The following MYBPHL variants were observed in gnomAD, a reference collection of about 807,000 sequenced individuals.
MYBPHL encodes myosin binding protein H like.
MYBPHL carries 32 observed loss-of-function variants against 39.5 expected under a neutral mutation model. That is an observed-to-expected ratio of 0.81 (90% CI 0.61 to 1.09). The LOEUF (loss-of-function observed/expected upper bound fraction) is 1.09. Ranked by LOEUF, MYBPHL falls within the 50% of genes least tolerant of loss-of-function variation. The pLI is 0.00. For missense variants in MYBPHL, 456 were observed against 460.2 expected (o/e 0.99, Z 0.08); for synonymous variants, 196 against 183.7 (o/e 1.07, Z -0.54).
At chr1:109,294,405 G>A (rs548127617) in intron 7 of MYBPHL, among the ~76,000 whole-genome samples, 156 bp from the exon 8 acceptor site, 87 of 152,304 alleles carry the variant, frequency 5.7e-4, no homozygotes, top group African/African-American at 1.8e-3. Context: ...GGACATGTAA[G>A]GGCTCATTCA....
rs1384979132 is a variant in MYBPHL, at chr1:109,292,529, G to C, written c.*93C>G. On this transcript the variant is annotated 3_prime_UTR_variant, in exon 9 of 9. Transcript: ENST00000357155. ...GCCAGAGGACACCAGGCTGCTGAGG[G>C]CACCGTTGTCACGGTCCCTGGCTCC... The C allele has an allele frequency of 6.6e-6, 1 of 152,224 alleles. No individual in the cohort carries two copies. Among genetic ancestry groups the C allele is most frequent in the Non-Finnish European group, 1.5e-5 (1 of 68,056 alleles). The allele number at this position is 152,224 out of a possible 1,614,324, so 9.4% of individuals were successfully genotyped here.
Position 109,294,237 on chromosome 1 carries a change from C to A in MYBPHL, c.*2G>T, listed in dbSNP as rs1657974389. 6.2e-7 allele frequency: 1 copy of A among 1,609,084 alleles called. No individual in the cohort carries two copies. Among genetic ancestry groups the A allele is most frequent in the Non-Finnish European group, 8.5e-7 (1 of 1,175,340 alleles). On this transcript the variant is annotated 3_prime_UTR_variant, in exon 8 of 9. Transcript: ENST00000357155. ...CAGAGTACCATGCCTTCTTAGGTGT[C>A]CTCAATTAGGAACTGTAATAATTCG... is the stretch of plus-strand genomic sequence containing the variant.
chr1:109,299,224 A>G (rs981968333), intron 1 of MYBPHL, among the ~76,000 whole-genome samples: 27 of 152,170 alleles, frequency 1.8e-4, no homozygotes, highest in African/African-American at 6.5e-4. Flanking sequence ...TCTTCAGTAG[A>G]ATGTGATAGT....
Position 109,295,126 on chromosome 1 carries a change from G to C in MYBPHL, c.1039C>G (p.Arg347Gly). 6.2e-7 allele frequency: 1 copy of C among 1,613,302 alleles called. No homozygotes were observed. Among genetic ancestry groups the C allele is most frequent in the Non-Finnish European group, 8.5e-7 (1 of 1,179,914 alleles). ...TTGCCCTTACCTTTCACATCCACCCGACAGTCCACAGATGCCTCCCCTAGG... is the reference window on the plus strand; with the variant it reads ...TTGCCCTTACCTTTCACATCCACCCCACAGTCCACAGATGCCTCCCCTAGG... ...NPLGEASVDC[R>G]VDVKVPN The change falls in exon 7 of 9, where the codon CGG becomes GGG. Residue 347 changes from arginine (R) to glycine (G), a missense_variant. By Grantham distance (125) the Arg-to-Gly change is moderately radical (BLOSUM62 -2). Transcript: ENST00000357155.
chr1:109,301,656 G>A (rs1194821958), intron 1 of MYBPHL, among the ~76,000 whole-genome samples: 1 of 151,720 alleles, frequency 6.6e-6, no homozygotes. Flanking sequence ...CAGGAAAATC[G>A]CTTGAACCTG....
chr1:109,296,720 T>TG, intron 5 of MYBPHL, 63 bp downstream of exon 5: 2 of 1,594,318 alleles, frequency 1.3e-6, no homozygotes, highest in South Asian at 1.1e-5. Flanking sequence ...ATTAGAGGCG[T>TG]GAGCCACTGT....
In MYBPHL at chr1:109,297,195, A is replaced by G; in HGVS notation, c.431-6T>C. 1.2e-6 allele frequency: 2 copies of G among 1,614,186 alleles called. No individual in the cohort carries two copies. The highest frequency in any genetic ancestry group is 1.7e-6 in the Non-Finnish European group (2 of 1,180,018). The stretch of plus-strand genomic sequence containing the variant: ...CTGAGGAGGGCCTGGCCTCTCTGAA[A>G]GGGCAAAGCCATGGCAGTGGGCGTG... On this transcript the variant is annotated splice_region_variant and splice_polypyrimidine_tract_variant and intron_variant, in intron 3 of 8. Transcript: ENST00000357155.
At position 109,296,219 on chromosome 1, in the gene MYBPHL, A is replaced by G; in HGVS notation, c.867+15T>C. Reference sequence around the variant, plus strand: ...GAAGCAGCTCAGCACAGTGCCCCCCAGAGCCCCCACTCACCCGGGGAGAGG... The same window carrying G: ...GAAGCAGCTCAGCACAGTGCCCCCCGGAGCCCCCACTCACCCGGGGAGAGG... On this transcript the variant is annotated intron_variant, in intron 6 of 8. Coordinates refer to ENST00000357155, the MANE Select transcript of MYBPHL (RefSeq NM_001010985.3). The G allele has an allele frequency of 6.2e-7, 1 of 1,612,208 alleles. No homozygotes were observed. Among genetic ancestry groups the G allele is most frequent in the South Asian group, 1.1e-5 (1 of 91,016 alleles).
At position 109,298,267 on chromosome 1, in the gene MYBPHL, GGAAA is replaced by G; in HGVS notation, c.146-14_146-11del. The stretch of plus-strand genomic sequence containing the variant: ...CAGATCTTGGGGTGCTCTGAGTGAT[GGAAA>G]GAGAGAGAATAGGAGATGGATACTC... On this transcript the variant is annotated splice_polypyrimidine_tract_variant and intron_variant, in intron 1 of 8. Coordinates refer to ENST00000357155, the MANE Select transcript of MYBPHL (RefSeq NM_001010985.3). 6.2e-7 allele frequency: 1 copy of G among 1,606,326 alleles called. No individual in the cohort carries two copies.
At chr1:109,293,349 T>C (rs1238328256) in intron 8 of MYBPHL, among the ~76,000 whole-genome samples, 1 of 152,206 alleles carries the variant, frequency 6.6e-6, no homozygotes, top group Non-Finnish European at 1.5e-5. Flanking sequence ...GTTTAATTCC[T>C]ACCATCGACT....
intron 3 of MYBPHL, 29 bp downstream of exon 3, chr1:109,297,393 C>T (rs367735390): frequency 2.0e-5 from 32 of 1,596,128 alleles, no homozygotes; most frequent in Non-Finnish European, 2.6e-5. Context: ...TCCTGAGGAC[C>T]CCCCCATCTC....
chr1:109,297,690 G>C, intron 2 of MYBPHL, 73 bp from the exon 3 acceptor site: 1 of 1,364,184 alleles, frequency 7.3e-7, no homozygotes, highest in Non-Finnish European at 1.0e-6. Flanking sequence ...TAGGGGTCCT[G>C]TCCACCCCAG....
intron 1 of MYBPHL, 39 bp from the exon 2 acceptor site, chr1:109,298,296 C>A: frequency 6.4e-7 from 1 of 1,567,044 alleles, no homozygotes; most frequent in South Asian, 1.1e-5. Flanking sequence ...GATGGATACT[C>A]AGAGAAAGTA....
chr1:109,302,908 CG>C (rs1158151040), intron 1 of MYBPHL, among the ~76,000 whole-genome samples: 2 of 152,166 alleles, frequency 1.3e-5, no homozygotes, highest in African/African-American at 4.8e-5. Context: ...GCCAATGAGA[CG>C]TAAGTGGCAA....
intron 3 of MYBPHL, 63 bp from the exon 4 acceptor site, chr1:109,297,252 G>A: frequency 2.5e-6 from 4 of 1,611,216 alleles, no homozygotes; most frequent in Non-Finnish European, 3.4e-6. Context: ...GTCACTTCAG[G>A]AGTGCCCTAG....
chr1:109,300,864 G>A (rs1264164180), intron 1 of MYBPHL, among the ~76,000 whole-genome samples: 3 of 152,158 alleles, frequency 2.0e-5, no homozygotes, highest in Admixed American at 6.5e-5. Context: ...ACAAGATGAC[G>A]AAACTTAAGT....
intron 2 of MYBPHL, 116 bp from the exon 3 acceptor site, chr1:109,297,733 T>A: frequency 1.1e-6 from 1 of 912,846 alleles, no homozygotes; most frequent in Non-Finnish European, 1.6e-6. Context: ...GAGCTGCACA[T>A]TCCTTGAGTT....
intron 1 of MYBPHL, among the ~76,000 whole-genome samples, chr1:109,300,218 G>T (rs1220435133): frequency 6.6e-6 from 1 of 152,192 alleles, no homozygotes; most frequent in Non-Finnish European, 1.5e-5. Context: ...AGACCTCCCG[G>T]CTAGCTGTGA....
Position 109,297,470 on chromosome 1 carries a change from G to A in MYBPHL, c.382C>T (p.Gln128Ter). ...ADSGRYQLRV[Q>*]LGGLEATATI... ...GCGGTGGCCTCCAGCCCACCCAGCTGCACGCGGAGTTGGTAGCGACCTGAG... is the reference window on the plus strand; with the variant it reads ...GCGGTGGCCTCCAGCCCACCCAGCTACACGCGGAGTTGGTAGCGACCTGAG... The change falls in exon 3 of 9, where the codon CAG (glutamine) becomes TAG (stop). Residue 128 changes from glutamine (Q) to a stop codon, truncating the protein, a stop_gained. Coordinates refer to ENST00000357155, the MANE Select transcript of MYBPHL (RefSeq NM_001010985.3). LOFTEE classifies it high-confidence loss of function. 2.5e-6 allele frequency: 4 copies of A among 1,613,312 alleles called. No individual in the cohort carries two copies. Among genetic ancestry groups the A allele is most frequent in the Non-Finnish European group, 3.4e-6 (4 of 1,179,996 alleles).
Sources: gnomAD v4.1 joint callset for allele counts (sites outside exome capture counted in the v4.1 genomes callset) on GRCh38, gnomAD v4.1.1 for gene constraint, MANE v1.5 for transcripts, NCBI Gene and HGNC (gene_info 2026-07-23, HGNC 2026-07-21) for gene names.